ETS1: variants seen among roughly 807,000 people sequenced by gnomAD.
ETS1 encodes ETS proto-oncogene 1, transcription factor.
In ETS1, 15 loss-of-function variants were observed where a neutral mutation model predicts 58.6. That is an observed-to-expected ratio of 0.26 (90% CI 0.17 to 0.39). The LOEUF (loss-of-function observed/expected upper bound fraction) is 0.39, where lower values mean the gene tolerates loss of function less well. Ranked by LOEUF, ETS1 falls within the 10% of genes least tolerant of loss-of-function variation. ETS1 has a pLI of 1.00. For synonymous variants in ETS1, 214 were observed against 218.2 expected (o/e 0.98, Z 0.17); for missense variants, 417 against 610.5 (o/e 0.68, Z 3.34).
Position 128,489,509 on chromosome 11 carries a change from T to C in ETS1, c.335-19A>G, listed in dbSNP as rs1040700038. 1.2e-6 allele frequency: 2 copies of C among 1,609,512 alleles called. No individual in the cohort carries two copies. The highest frequency in any genetic ancestry group is 1.7e-6 in the Non-Finnish European group (2 of 1,176,872). ...CGGGGGTCTGAGGAAAGAGATCAGA[T>C]GAAGATCCAGCAGGTCGGGCTTTTA... On this transcript the variant is annotated intron_variant, in intron 4 of 9. Transcript: ENST00000392668.
At chr11:128,558,675 A>G (rs1336032988) in intron 2 of ETS1, among the ~76,000 whole-genome samples, 1 of 101,526 alleles carries the variant, frequency 9.8e-6, no homozygotes. Context: ...AAAAAAAAAA[A>G]AAAAAAAAAG....
At chr11:128,502,958 G>A (rs990733375) in intron 3 of ETS1, among the ~76,000 whole-genome samples, 1 of 152,028 alleles carries the variant, frequency 6.6e-6, no homozygotes, top group African/African-American at 2.4e-5. Flanking sequence ...GTAAGCAACT[G>A]CACCCTCTGG....
rs562558354 is a variant in ETS1 at position 128,535,296 on chromosome 11, C to T, written c.214+20995G>A. Reference sequence around the variant, plus strand: ...GGTTGTTTTGTTTTTCTTGTAAATTCGTTTAAGTTCCTTGTAGATTCTGGA... The same window carrying T: ...GGTTGTTTTGTTTTTCTTGTAAATTTGTTTAAGTTCCTTGTAGATTCTGGA... On this transcript the variant is annotated intron_variant, in intron 3 of 9. Transcript: ENST00000392668. Among the ~76,000 whole-genome samples, 14 of 152,014 alleles carry T rather than the reference C, an allele frequency of 9.2e-5. No homozygotes were observed. In the South Asian group the frequency reaches 1.0e-3, roughly 11 times the overall value.
intron 1 of ETS1, among the ~76,000 whole-genome samples, chr11:128,583,128 C>A (rs117021234): frequency 0.025 from 3,811 of 152,274 alleles, 84 homozygotes; most frequent in Middle Eastern, 0.051. Flanking sequence ...GGTGCTGATG[C>A]CGCAGGTCAG....
At position 128,460,088 on chromosome 11, in the gene ETS1, AC is replaced by A. The variant is rs1212116430; in HGVS notation, c.*2272del. On this transcript the variant is annotated 3_prime_UTR_variant, in exon 10 of 10. Transcript: ENST00000392668. ...TGTCTGCAAACACACACACACACAC[AC>A]ACACACACACACACACACACACACA... 23 of 100,988 alleles carry A rather than the reference AC, an allele frequency of 2.3e-4. No homozygotes were observed. The highest frequency in any genetic ancestry group is 5.5e-4 in the Admixed American group (4 of 7,242). 6.3% of individuals were successfully genotyped at this position (100,988 alleles called of 1,614,324 possible).
intron 3 of ETS1, among the ~76,000 whole-genome samples, chr11:128,531,737 C>G (rs1243748253): frequency 6.6e-6 from 1 of 152,188 alleles, no homozygotes; most frequent in Non-Finnish European, 1.5e-5. Context: ...ATTGGGTTCT[C>G]CACTCTCTGG....
intron 1 of ETS1, among the ~76,000 whole-genome samples, chr11:128,585,808 G>A (rs1865020666): frequency 6.6e-6 from 1 of 152,202 alleles, no homozygotes; most frequent in Non-Finnish European, 1.5e-5. Context: ...CCTGTTCTCT[G>A]TTACAAAGCT....
In ETS1 at chr11:128,535,696, G is replaced by A. The variant is rs548065557; in HGVS notation, c.214+20595C>T. Among the ~76,000 whole-genome samples the A allele has an allele frequency of 2.0e-5, 3 of 152,256 alleles. No homozygotes were observed. In the South Asian group the frequency reaches 6.2e-4, roughly 32 times the overall value. ...AATCACTCACTGCCTGATGAATCCTGTGTACCTTCATGTCTATGCATGATG... is the reference window on the plus strand; with the variant it reads ...AATCACTCACTGCCTGATGAATCCTATGTACCTTCATGTCTATGCATGATG... On this transcript the variant is annotated intron_variant, in intron 3 of 9. Transcript: ENST00000392668.
chr11:128,574,308 C>T (rs1216366398), intron 1 of ETS1, among the ~76,000 whole-genome samples: 4 of 152,122 alleles, frequency 2.6e-5, no homozygotes, highest in Admixed American at 1.3e-4. Context: ...TAAAACTTTG[C>T]CTTTTTCTTA....
At chr11:128,528,887 CT>C (rs1176299400) in intron 3 of ETS1, 6 of 152,174 alleles carry the variant, frequency 3.9e-5, no homozygotes, top group African/African-American at 1.4e-4. Flanking sequence ...ATTCATTTTA[CT>C]TTTTATCTAA....
chr11:128,468,270 G>A (rs1218916304), intron 8 of ETS1, among the ~76,000 whole-genome samples: 4 of 152,196 alleles, frequency 2.6e-5, no homozygotes, highest in African/African-American at 9.7e-5. Flanking sequence ...TTGTCTGGGA[G>A]CTGCAAGGCC....
intron 2 of ETS1, among the ~76,000 whole-genome samples, chr11:128,569,318 CTTTT>C (rs398018017): frequency 3.3e-4 from 13 of 39,472 alleles, no homozygotes; most frequent in East Asian, 1.9e-3. Flanking sequence ...AGAGTTTCTT[CTTTT>C]TTTTTTTTTT....
intron 1 of ETS1, among the ~76,000 whole-genome samples, chr11:128,585,931 G>A (rs1039251175): frequency 7.9e-5 from 12 of 152,138 alleles, no homozygotes; most frequent in Non-Finnish European, 1.6e-4. Flanking sequence ...ACCGGCCACT[G>A]GCCCAAGTCG....
At chr11:128,505,626 C>T (rs1458138507) in intron 3 of ETS1, among the ~76,000 whole-genome samples, 1 of 152,276 alleles carries the variant, frequency 6.6e-6, no homozygotes, top group East Asian at 1.9e-4. Flanking sequence ...AGTAGCAAGC[C>T]CAAGAGGGTG....
At chr11:128,512,935 C>A (rs539202537) in intron 3 of ETS1, among the ~76,000 whole-genome samples, 1 of 152,274 alleles carries the variant, frequency 6.6e-6, no homozygotes, top group African/African-American at 2.4e-5. Context: ...GCTTGACTTA[C>A]ATCTCCCTCC....
intron 3 of ETS1, among the ~76,000 whole-genome samples, chr11:128,532,447 T>G (rs1370543081): frequency 6.6e-6 from 1 of 152,248 alleles, no homozygotes; most frequent in Admixed American, 6.5e-5. Flanking sequence ...ACAGTCATAG[T>G]CTTCTCGCTA....
At chr11:128,502,199 A>G (rs149464258) in intron 3 of ETS1, among the ~76,000 whole-genome samples, 302 of 152,338 alleles carry the variant, frequency 2.0e-3, no homozygotes, top group African/African-American at 7.1e-3. Flanking sequence ...GTTGGGAGGA[A>G]GATGAGGTCA....
At chr11:128,470,073 G>A (rs1325781502) in intron 8 of ETS1, among the ~76,000 whole-genome samples, 1 of 152,192 alleles carries the variant, frequency 6.6e-6, no homozygotes, top group Non-Finnish European at 1.5e-5. Context: ...TGCTGAACAC[G>A]ATGATGAACA....
chr11:128,463,836 G>C lies in ETS1; in HGVS notation c.1124-209C>G. On this transcript the variant is annotated intron_variant, in intron 8 of 9. Coordinates refer to ENST00000392668, the MANE Select transcript of ETS1 (RefSeq NM_001143820.2). This position sits in a 1 kb window ranked among gnomAD's most constrained non-coding sequence, Gnocchi z 4.1. Reference sequence around the variant, plus strand: ...GGCCTCCCTATAAAACAAAAGCATGGAAGAAAATGTGTCAAGTGCTTTATT... The same window carrying C: ...GGCCTCCCTATAAAACAAAAGCATGCAAGAAAATGTGTCAAGTGCTTTATT... 2.6e-6 allele frequency: 1 copy of C among 380,114 alleles called. No homozygotes were observed. Among genetic ancestry groups the C allele is most frequent in the Non-Finnish European group, 4.8e-6 (1 of 206,700 alleles). 23.5% of individuals were successfully genotyped at this position (380,114 alleles called of 1,614,324 possible).
Sources: gnomAD v4.1 joint callset for allele counts (sites outside exome capture counted in the v4.1 genomes callset) on GRCh38, gnomAD v4.1.1 for gene constraint, Gnocchi (gnomAD v3.1) non-coding constraint, MANE v1.5 for transcripts, NCBI Gene and HGNC (gene_info 2026-07-23, HGNC 2026-07-21) for gene names.